CNOT1: variants seen among roughly 807,000 people sequenced by gnomAD.
CNOT1 encodes CCR4-associated factor 1.
CNOT1 carries 15 observed loss-of-function variants against 273.8 expected under a neutral mutation model. That is an observed-to-expected ratio of 0.05 (90% CI 0.04 to 0.08). CNOT1 has a LOEUF of 0.08. CNOT1 is among the 10% of genes least tolerant of loss of function. The pLI, the probability that CNOT1 is intolerant of heterozygous loss-of-function variation, is 1.00. For missense variants in CNOT1, 1,644 were observed against 2,912.2 expected (o/e 0.56, Z 10.02); for synonymous variants, 1,022 against 1,005.5 (o/e 1.02, Z -0.31).
intron 13 of CNOT1, among the ~76,000 whole-genome samples, chr16:58,577,911 T>C (rs1271850713): frequency 6.7e-6 from 1 of 149,680 alleles, no homozygotes; most frequent in African/African-American, 2.5e-5. Flanking sequence ...ACTTGCCAAA[T>C]ACATTCTACA....
chr16:58,628,763 T>C (rs567199607), intron 1 of CNOT1, among the ~76,000 whole-genome samples: 1 of 152,318 alleles, frequency 6.6e-6, no homozygotes, highest in African/African-American at 2.4e-5. Context: ...TGTCATAAAG[T>C]TTATTTTAAA....
chr16:58,597,461 T>G, intron 2 of CNOT1: 1 of 190,588 alleles, frequency 5.2e-6, no homozygotes. Flanking sequence ...AGTGACAGAG[T>G]GAAACTCTGT....
At chr16:58,626,589 G>A (rs154432) in intron 1 of CNOT1, among the ~76,000 whole-genome samples, 51,497 of 151,330 alleles carry the variant, frequency 0.34, 10,118 homozygotes, top group Non-Finnish European at 0.45. Context: ...GTGAAACCCC[G>A]TCTCTACCAA....
chr16:58,568,329 C>G (rs2041132814), intron 16 of CNOT1, among the ~76,000 whole-genome samples: 2 of 150,988 alleles, frequency 1.3e-5, no homozygotes, highest in Admixed American at 6.6e-5. Flanking sequence ...GATTGTGCCA[C>G]TGCACTCCAG....
At chr16:58,629,527 G>A (rs1238368781) in intron 1 of CNOT1, among the ~76,000 whole-genome samples, 1 of 152,150 alleles carries the variant, frequency 6.6e-6, no homozygotes. Context: ...AGAGCGCGAA[G>A]CCTCCGAGAG....
At chr16:58,557,077 G>T in intron 18 of CNOT1, 84 bp from the exon 19 acceptor site, 1 of 1,475,854 alleles carries the variant, frequency 6.8e-7, no homozygotes, top group South Asian at 1.4e-5. Context: ...TAATAAGACA[G>T]ACTTTTAAAA....
At chr16:58,543,980 G>A in intron 30 of CNOT1, 77 bp from the exon 31 acceptor site, 1 of 1,488,338 alleles carries the variant, frequency 6.7e-7, no homozygotes, top group Non-Finnish European at 8.9e-7. Context: ...TCACATTCAT[G>A]ATTTTGTAAA....
At position 58,557,013 on chromosome 16, in the gene CNOT1, C is replaced by T. The variant is rs1363774837; in HGVS notation, c.2333-20G>A. The T allele has an allele frequency of 6.2e-7, 1 of 1,609,162 alleles. No homozygotes were observed. Among genetic ancestry groups the T allele is most frequent in the Non-Finnish European group, 8.5e-7 (1 of 1,178,688 alleles). ...CACCTACTAGAGAGAACGAAGGCAG[C>T]CACAAATCCTATCATTATTCATATT... On this transcript the variant is annotated intron_variant, in intron 18 of 48. Coordinates refer to ENST00000317147, the MANE Select transcript of CNOT1 (RefSeq NM_016284.5).
intron 1 of CNOT1, among the ~76,000 whole-genome samples, chr16:58,602,957 G>C (rs946317723): frequency 2.0e-5 from 3 of 152,078 alleles, no homozygotes; most frequent in Non-Finnish European, 4.4e-5. Flanking sequence ...CCCCATCTCA[G>C]TTGATGCTAG....
intron 13 of CNOT1, among the ~76,000 whole-genome samples, chr16:58,578,417 C>G (rs1329043257): frequency 4.1e-5 from 6 of 144,660 alleles, no homozygotes; most frequent in Admixed American, 2.8e-4. Context: ...TGCACCATTG[C>G]ACTCCAGCCT....
At chr16:58,557,509 C>T (rs978550027) in intron 18 of CNOT1, among the ~76,000 whole-genome samples, 9 of 152,104 alleles carry the variant, frequency 5.9e-5, no homozygotes, top group Non-Finnish European at 5.9e-5. Context: ...ACAGTAGCAA[C>T]GCTAACTAGA....
chr16:58,625,406 G>T (rs571631627), intron 1 of CNOT1, among the ~76,000 whole-genome samples: 1 of 152,218 alleles, frequency 6.6e-6, no homozygotes, highest in South Asian at 2.1e-4. Context: ...CAGCTATTCA[G>T]GAGGCTGAGG....
At chr16:58,596,113 C>T (rs2042240798) in intron 2 of CNOT1, among the ~76,000 whole-genome samples, 1 of 152,188 alleles carries the variant, frequency 6.6e-6, no homozygotes, top group Admixed American at 6.5e-5. Context: ...CTGACAGCAC[C>T]TGTGTGCAAG....
At chr16:58,622,253 G>C (rs1048010853) in intron 1 of CNOT1, among the ~76,000 whole-genome samples, 3 of 147,350 alleles carry the variant, frequency 2.0e-5, no homozygotes, top group Non-Finnish European at 4.5e-5. Context: ...AGCACAGCTT[G>C]CAGTGAGCCG....
chr16:58,544,524 T>A (rs186853707), intron 30 of CNOT1, among the ~76,000 whole-genome samples: 1 of 152,268 alleles, frequency 6.6e-6, no homozygotes, highest in East Asian at 1.9e-4. Context: ...TCACAATTTC[T>A]GGATCTAGGT....
chr16:58,612,989 T>C (rs2042951244), intron 1 of CNOT1, among the ~76,000 whole-genome samples: 1 of 152,126 alleles, frequency 6.6e-6, no homozygotes, highest in African/African-American at 2.4e-5. Flanking sequence ...AGGAATAGTT[T>C]AACTTTCAGA....
In CNOT1 at chr16:58,560,246, C is replaced by A. The variant is rs1483544070; in HGVS notation, c.2096G>T (p.Ser699Ile). The A allele has an allele frequency of 1.2e-6, 2 of 1,613,996 alleles. No individual in the cohort carries two copies. Among genetic ancestry groups the A allele is most frequent in the African/African-American group, 1.3e-5 (1 of 74,906 alleles). The stretch of plus-strand genomic sequence containing the variant: ...AGAAATGGCATCTAAGCTGCTAGCA[C>A]TAGGAGGACGTCCTTTTGGCATAAC... ...PGVMPKGRPP[S>I]ASSLDAISPV... The change falls in exon 17 of 49, where the codon AGT becomes ATT. Residue 699 changes from serine (S) to isoleucine (I), a missense_variant. By Grantham distance (142) the Ser-to-Ile change is moderately radical. Around this residue, in one of 13 missense-constraint regions of CNOT1, gnomAD observed 706 missense variants for 1,021.2 expected, o/e 0.69. Transcript: ENST00000317147.
chr16:58,620,653 T>TAAAAAAAAAA (rs200053031), intron 1 of CNOT1, among the ~76,000 whole-genome samples: 43 of 106,822 alleles, frequency 4.0e-4, no homozygotes, highest in East Asian at 1.1e-3. Flanking sequence ...CTGTCTCATT[T>TAAAAAAAAAA]AAAAAAAAAA....
intron 12 of CNOT1, among the ~76,000 whole-genome samples, chr16:58,579,720 C>T (rs1461709969): frequency 6.6e-6 from 1 of 152,106 alleles, no homozygotes; most frequent in African/African-American, 2.4e-5. Context: ...ACAATTCAGG[C>T]CGCGCTCTCT....
Sources: allele counts gnomAD v4.1 joint callset (sites outside exome capture counted in the v4.1 genomes callset), GRCh38; gene constraint gnomAD v4.1.1; regional missense constraint gnomAD v4.1.1; transcripts MANE v1.5; gene names NCBI Gene and HGNC (gene_info 2026-07-23, HGNC 2026-07-21).